The following DDO variants were observed in gnomAD, a reference collection of about 807,000 sequenced individuals.
The protein encoded by DDO is D-aspartate oxidase.
In DDO, 16 loss-of-function variants were observed where a neutral mutation model predicts 16.8. That is an observed-to-expected ratio of 0.95 (90% CI 0.65 to 1.45). The LOEUF (loss-of-function observed/expected upper bound fraction) is 1.45. DDO is among the 40% of genes most tolerant of loss of function. The pLI is 0.00. For missense variants in DDO, 429 were observed against 420.3 expected, an observed-to-expected ratio of 1.02 and a Z score of -0.18; for synonymous variants, 180 against 167.2, an observed-to-expected ratio of 1.08 and a Z score of -0.59.
intron 2 of DDO, among the ~76,000 whole-genome samples, chr6:110,410,018 C>T (rs1277061152): frequency 6.6e-6 from 1 of 152,210 alleles, no homozygotes; most frequent in East Asian, 1.9e-4. Context: ...GTGCCAGGTA[C>T]TGTTCTAAAT....
At position 110,392,433 on chromosome 6, in the gene DDO, C is replaced by G; in HGVS notation, c.*342G>C. On this transcript the variant is annotated 3_prime_UTR_variant, in exon 5 of 5. Transcript: ENST00000368924. ...GAAGTATTTTTAACAAAAAATAGAG[C>G]TTTATGCCCTATGCCATTAATGCTG... is the stretch of plus-strand genomic sequence containing the variant. The G allele has an allele frequency of 9.8e-7, 1 of 1,024,788 alleles. No homozygotes were observed. Among genetic ancestry groups the G allele is most frequent in the Non-Finnish European group, 1.2e-6 (1 of 857,090 alleles). 63.5% of individuals were successfully genotyped at this position (1,024,788 alleles called of 1,614,324 possible). A position where few individuals can be genotyped will look rare whatever the true frequency, so the allele number is the denominator to read the frequency against.
intron 4 of DDO, among the ~76,000 whole-genome samples, chr6:110,404,053 T>C (rs1773568598): frequency 1.3e-5 from 2 of 152,296 alleles, no homozygotes; most frequent in African/African-American, 4.8e-5. Context: ...TATACACATA[T>C]GGGAATTGAA....
rs191524532 is a variant in DDO, at chr6:110,392,649, C to T, written c.*126G>A. ...GCCACCGTGCTCAGCTTACATGTTA[C>T]ACCACTTCTAATGTTGAAAACAAAG... On this transcript the variant is annotated 3_prime_UTR_variant, in exon 5 of 5. Transcript: ENST00000368924. The T allele has an allele frequency of 1.3e-5, 18 of 1,393,046 alleles. No homozygotes were observed. The African/African-American group carries it at 1.9e-4, about 15-fold the overall frequency. 86.3% of individuals were successfully genotyped at this position (1,393,046 alleles called of 1,614,324 possible).
chr6:110,400,904 T>C (rs1773466095), intron 4 of DDO, among the ~76,000 whole-genome samples: 1 of 152,186 alleles, frequency 6.6e-6, no homozygotes, highest in Non-Finnish European at 1.5e-5. Flanking sequence ...AGTGAGTGTG[T>C]GGGGCTCGGG....
At chr6:110,414,439 T>TGAG (rs1370200985) in intron 1 of DDO, among the ~76,000 whole-genome samples, 2 of 152,214 alleles carry the variant, frequency 1.3e-5, no homozygotes, top group Non-Finnish European at 2.9e-5. Flanking sequence ...AGAGACCCAG[T>TGAG]GAGGCGGTCT....
chr6:110,393,027 G>C lies in DDO; in HGVS notation c.774C>G (p.Cys258Trp). 6.2e-7 allele frequency: 1 copy of C among 1,611,492 alleles called. No homozygotes were observed. ...AENSREILSR[C>W]CALEPSLHGA... ...CGTGGAGGGAGGGCTCCAGAGCACA[G>C]CATCGGGAAAGAATCTCTCTGCTAT... is the stretch of plus-strand genomic sequence containing the variant. The change falls in exon 5 of 5, where the codon TGC becomes TGG. Residue 258 changes from cysteine to tryptophan, a missense_variant. Coordinates refer to ENST00000368924, the MANE Select transcript of DDO (RefSeq NM_001372108.2).
At chr6:110,405,492 A>AT (rs1052129552) in intron 3 of DDO, among the ~76,000 whole-genome samples, 4 of 152,252 alleles carry the variant, frequency 2.6e-5, no homozygotes, top group Non-Finnish European at 5.9e-5. Context: ...TAAAGATGGA[A>AT]TTTAATACTC....
Position 110,392,865 on chromosome 6 carries a change from T to A in DDO, c.936A>T (p.Ser312=). 1 of 1,614,138 alleles carries A rather than the reference T, an allele frequency of 6.2e-7. No homozygotes were observed. The highest frequency in any genetic ancestry group is 8.5e-7 in the Non-Finnish European group (1 of 1,180,014). Residue 312 remains serine (S), a synonymous_variant, in exon 5 of 5, where the codon TCA becomes TCT. Transcript: ENST00000368924. ...HHYGHGSGGI[S]VHWGTALEAA... ...CCTCCAGAGCAGTGCCCCAGTGCAC[T>A]GAGATGCCCCCACTCCCATGGCCAT...
chr6:110,401,793 G>A (rs1048744903), intron 4 of DDO, among the ~76,000 whole-genome samples: 5 of 152,134 alleles, frequency 3.3e-5, no homozygotes, highest in African/African-American at 4.8e-5. Context: ...ATAGGAACTC[G>A]TTTCATGGGA....
chr6:110,394,894 A>G (rs899476306), intron 4 of DDO, among the ~76,000 whole-genome samples: 4 of 152,204 alleles, frequency 2.6e-5, no homozygotes, highest in Non-Finnish European at 4.4e-5. Context: ...ATCTTAGAGG[A>G]CCGATATCAA....
At chr6:110,398,535 T>G (rs1773369533) in intron 4 of DDO, among the ~76,000 whole-genome samples, 1 of 151,932 alleles carries the variant, frequency 6.6e-6, no homozygotes, top group Admixed American at 6.6e-5. Context: ...GAATCTCAGG[T>G]AGCACTAAAC....
downstream of DDO, among the ~76,000 whole-genome samples, chr6:110,389,236 A>T (rs1773062304): frequency 6.6e-6 from 1 of 152,178 alleles, no homozygotes; most frequent in Non-Finnish European, 1.5e-5. Flanking sequence ...TGGCCTTCAG[A>T]CTTACTCCAC....
intron 4 of DDO, among the ~76,000 whole-genome samples, chr6:110,404,482 G>C (rs1429401924): frequency 6.6e-6 from 1 of 152,186 alleles, no homozygotes; most frequent in Non-Finnish European, 1.5e-5. Context: ...CTAAGATACT[G>C]TTTCAATAAG....
intron 4 of DDO, among the ~76,000 whole-genome samples, chr6:110,397,602 A>G (rs1229062422): frequency 1.3e-5 from 2 of 152,224 alleles, no homozygotes; most frequent in Non-Finnish European, 2.9e-5. Flanking sequence ...TAGGGTTTTT[A>G]TGATGATTAT....
At chr6:110,393,408 A>G in intron 4 of DDO, 66 bp from the exon 5 acceptor site, 1 of 1,494,628 alleles carries the variant, frequency 6.7e-7, no homozygotes, top group Non-Finnish European at 8.9e-7. Context: ...CAGGAAATAA[A>G]GAAAAGGAAC....
chr6:110,401,606 A>G (rs1773488537), intron 4 of DDO, among the ~76,000 whole-genome samples: 1 of 152,232 alleles, frequency 6.6e-6, no homozygotes, highest in African/African-American at 2.4e-5. Flanking sequence ...TAAAATAGGT[A>G]CCAATGAGTT....
At chr6:110,398,548 G>A (rs1346745782) in intron 4 of DDO, among the ~76,000 whole-genome samples, 1 of 152,130 alleles carries the variant, frequency 6.6e-6, no homozygotes, top group East Asian at 1.9e-4. Context: ...CACTAAACAG[G>A]GAGGTGGGGG....
In DDO at chr6:110,392,626, C is replaced by T; in HGVS notation, c.*149G>A. 1 of 1,315,898 alleles carries T rather than the reference C, an allele frequency of 7.6e-7. No homozygotes were observed. The highest frequency in any genetic ancestry group is 9.6e-7 in the Non-Finnish European group (1 of 1,036,886). 81.5% of individuals were successfully genotyped at this position (1,315,898 alleles called of 1,614,324 possible). A position where few individuals can be genotyped will look rare whatever the true frequency, so the allele number is the denominator to read the frequency against. ...CAAGTAGCTGGGACTATAGGCATGCCACCGTGCTCAGCTTACATGTTACAC... is the reference window on the plus strand; with the variant it reads ...CAAGTAGCTGGGACTATAGGCATGCTACCGTGCTCAGCTTACATGTTACAC... On this transcript the variant is annotated 3_prime_UTR_variant, in exon 5 of 5. Transcript: ENST00000368924.
At chr6:110,414,745 C>A (rs1773987921) in intron 1 of DDO, among the ~76,000 whole-genome samples, 1 of 152,260 alleles carries the variant, frequency 6.6e-6, no homozygotes, top group Admixed American at 6.5e-5. Context: ...GGCCAACTTG[C>A]TGGGCTAAAC....
Sources: allele counts gnomAD v4.1 joint callset (sites outside exome capture counted in the v4.1 genomes callset), GRCh38; gene constraint gnomAD v4.1.1; transcripts MANE v1.5; gene names NCBI Gene and HGNC (gene_info 2026-07-23, HGNC 2026-07-21).